The following AP3B1 variants were observed in gnomAD, a reference collection of about 807,000 sequenced individuals.
The protein encoded by AP3B1 is adaptor related protein complex 3 subunit beta 1.
A neutral mutation model predicts 132.5 loss-of-function variants in AP3B1; 61 were observed. The observed-to-expected ratio is 0.46, with a 90% CI of 0.37 to 0.57. AP3B1 has a LOEUF of 0.57. Among genes scored for constraint, AP3B1 ranks in the 20% least tolerant of loss-of-function variants. The pLI is 0.00. For missense variants in AP3B1, 1,120 were observed against 1,289.4 expected (o/e 0.87, Z 2.01); for synonymous variants, 388 against 438.3 (o/e 0.89, Z 1.43).
At chr5:78,187,538 T>C (rs1238329258) in intron 7 of AP3B1, among the ~76,000 whole-genome samples, 1 of 151,956 alleles carries the variant, frequency 6.6e-6, no homozygotes. Context: ...TATGGCAGTA[T>C]ATTATAACAG....
At chr5:78,227,134 A>G (rs547672052) in intron 5 of AP3B1, among the ~76,000 whole-genome samples, 1 of 152,328 alleles carries the variant, frequency 6.6e-6, no homozygotes, top group Admixed American at 6.5e-5. Flanking sequence ...AAATCTATAA[A>G]TTATCACAGG....
intron 3 of AP3B1, among the ~76,000 whole-genome samples, chr5:78,235,909 T>C (rs1209886519): frequency 6.6e-6 from 1 of 152,208 alleles, no homozygotes; most frequent in African/African-American, 2.4e-5. Context: ...AGCTCACCTG[T>C]GTGTCTAAAG....
intron 1 of AP3B1, among the ~76,000 whole-genome samples, chr5:78,293,754 C>T (rs1016469218): frequency 2.6e-4 from 39 of 151,994 alleles, no homozygotes; most frequent in Non-Finnish European, 4.9e-4. Context: ...TTCCATTTCT[C>T]GGTGATACTT....
intron 7 of AP3B1, among the ~76,000 whole-genome samples, chr5:78,193,415 T>C (rs1744921513): frequency 6.6e-6 from 1 of 151,922 alleles, no homozygotes; most frequent in African/African-American, 2.4e-5. Context: ...CAAGATATAT[T>C]AAGGAAAATG....
chr5:78,067,291 G>A (rs1237357992), intron 22 of AP3B1, among the ~76,000 whole-genome samples: 1 of 152,136 alleles, frequency 6.6e-6, no homozygotes, highest in East Asian at 1.9e-4. Context: ...AACCTACAAA[G>A]AGACTTAAGA....
intron 7 of AP3B1, among the ~76,000 whole-genome samples, chr5:78,192,277 G>C (rs7713984): frequency 0.029 from 4,415 of 152,146 alleles, 216 homozygotes; most frequent in African/African-American, 0.1. Context: ...TCTAGAAAAT[G>C]AATTTGGCAG....
At chr5:78,285,211 T>C (rs181971297) in intron 1 of AP3B1, among the ~76,000 whole-genome samples, 1,928 of 150,730 alleles carry the variant, frequency 0.013, 24 homozygotes, top group South Asian at 0.034. Flanking sequence ...ATCACGCCAC[T>C]GCACTCCAGC....
intron 22 of AP3B1, chr5:78,044,087 T>A: frequency 3.1e-6 from 1 of 324,204 alleles, no homozygotes. Flanking sequence ...AATATCTGCC[T>A]GAAAGGCAAG....
chr5:78,111,968 A>G (rs926064488), intron 19 of AP3B1, among the ~76,000 whole-genome samples: 1 of 152,130 alleles, frequency 6.6e-6, no homozygotes, highest in African/African-American at 2.4e-5. Flanking sequence ...CAAAGTCCGT[A>G]TTTTTTCCAC....
intron 26 of AP3B1, among the ~76,000 whole-genome samples, 192 bp from the exon 27 acceptor site, chr5:78,003,247 A>G (rs984493344): frequency 1.3e-5 from 2 of 152,244 alleles, no homozygotes; most frequent in African/African-American, 2.4e-5. Context: ...TGCTAACCAC[A>G]AGCAGGTAAT....
At chr5:78,099,495 T>A (rs561456908) in intron 21 of AP3B1, among the ~76,000 whole-genome samples, 31 of 152,302 alleles carry the variant, frequency 2.0e-4, no homozygotes, top group African/African-American at 7.2e-4. Flanking sequence ...GAGTATGGGC[T>A]TTCATCTAAA....
At chr5:78,011,054 T>C (rs1339005547) in intron 26 of AP3B1, among the ~76,000 whole-genome samples, 1 of 148,716 alleles carries the variant, frequency 6.7e-6, no homozygotes, top group Non-Finnish European at 1.5e-5. Flanking sequence ...TTTTTTTTTT[T>C]TTTTTTTGAG....
chr5:78,022,452 G>A (rs1747144195), intron 24 of AP3B1, among the ~76,000 whole-genome samples: 1 of 152,142 alleles, frequency 6.6e-6, no homozygotes, highest in Non-Finnish European at 1.5e-5. Flanking sequence ...GAGGTTGGGG[G>A]AACATTGCAG....
At chr5:78,141,352 T>C in intron 14 of AP3B1, 33 bp from the exon 15 acceptor site, 2 of 1,560,820 alleles carry the variant, frequency 1.3e-6, no homozygotes, top group South Asian at 2.2e-5. Flanking sequence ...TAGTTAGAAG[T>C]AAGTTAATCA....
intron 14 of AP3B1, among the ~76,000 whole-genome samples, 200 bp from the exon 15 acceptor site, chr5:78,141,519 AAG>A (rs1443024197): frequency 6.6e-6 from 1 of 152,236 alleles, no homozygotes; most frequent in East Asian, 1.9e-4. Flanking sequence ...ATTGATTTCG[AAG>A]AGAATATCTT....
chr5:78,260,966 A>G (rs1375388655), intron 2 of AP3B1, among the ~76,000 whole-genome samples: 2 of 152,260 alleles, frequency 1.3e-5, no homozygotes, highest in Non-Finnish European at 2.9e-5. Context: ...TTAAAGCTGA[A>G]TAACATTCCA....
chr5:78,106,700 T>G (rs547268705), intron 20 of AP3B1, among the ~76,000 whole-genome samples: 1 of 152,074 alleles, frequency 6.6e-6, no homozygotes, highest in Non-Finnish European at 1.5e-5. Context: ...ATAGTGGCAG[T>G]AGGGAAAGAA....
At chr5:78,148,011 T>C (rs1283874217) in intron 14 of AP3B1, among the ~76,000 whole-genome samples, 1 of 148,638 alleles carries the variant, frequency 6.7e-6, no homozygotes, top group Non-Finnish European at 1.5e-5. Flanking sequence ...CCAGCCAGGG[T>C]GACAGAGCAA....
At chr5:78,177,019 C>T (rs891561219) in intron 9 of AP3B1, among the ~76,000 whole-genome samples, 7 of 152,150 alleles carry the variant, frequency 4.6e-5, no homozygotes, top group African/African-American at 1.7e-4. Flanking sequence ...TCCAGATTTA[C>T]CAAAACTCCC....
Sources: allele counts gnomAD v4.1 joint callset (sites outside exome capture counted in the v4.1 genomes callset), GRCh38; gene constraint gnomAD v4.1.1; transcripts MANE v1.5; gene names NCBI Gene and HGNC (gene_info 2026-07-23, HGNC 2026-07-21).